The following PLEKHG1 variants were observed in gnomAD, a reference collection of about 807,000 sequenced individuals.
PLEKHG1 encodes pleckstrin homology and RhoGEF domain containing G1, also known as pleckstrin homology domain-containing family G member 1.
PLEKHG1 carries 44 observed loss-of-function variants against 100.8 expected under a neutral mutation model. The observed-to-expected ratio is 0.44, with a 90% CI of 0.34 to 0.56. The LOEUF (loss-of-function observed/expected upper bound fraction) is 0.56, where lower values mean the gene tolerates loss of function less well. PLEKHG1 is among the 20% of genes least tolerant of loss of function. PLEKHG1 has a pLI of 0.01. For synonymous variants in PLEKHG1, 640 were observed against 662.5 expected, an observed-to-expected ratio of 0.97 and a Z score of 0.52; for missense variants, 1,545 against 1,720.9, an observed-to-expected ratio of 0.90 and a Z score of 1.81.
intron 3 of PLEKHG1, among the ~76,000 whole-genome samples, chr6:150,778,279 C>A (rs1247994684): frequency 6.6e-6 from 1 of 152,186 alleles, no homozygotes; most frequent in Non-Finnish European, 1.5e-5. Context: ...AGGCGCTCAC[C>A]ATCACGCCTG....
At chr6:150,736,937 G>C (rs1417087844) in intron 2 of PLEKHG1, among the ~76,000 whole-genome samples, 3 of 152,138 alleles carry the variant, frequency 2.0e-5, no homozygotes, top group South Asian at 2.1e-4. Context: ...AGGCCCAGAA[G>C]GGGGTGAGTA....
At position 150,630,036 on chromosome 6, in the gene PLEKHG1, A is replaced by G. The variant is rs543424052; in HGVS notation, c.-203-8044A>G. ...GCAAGTGTGATGGAGGCCATAGACTATTTCACAGGGGATTACTGGTGATGC... is the reference window on the plus strand; with the variant it reads ...GCAAGTGTGATGGAGGCCATAGACTGTTTCACAGGGGATTACTGGTGATGC... On this transcript the variant is annotated intron_variant, in intron 1 of 3. Coordinates refer to the PLEKHG1 transcript ENST00000367326. 1.8e-4 allele frequency among the ~76,000 whole-genome samples: 27 copies of G among 152,302 alleles called. No individual in the cohort carries two copies. The East Asian group carries it at 3.7e-3, about 21-fold the overall frequency.
At chr6:150,777,551 A>G (rs1251708287) in intron 3 of PLEKHG1, among the ~76,000 whole-genome samples, 1 of 148,754 alleles carries the variant, frequency 6.7e-6, no homozygotes, top group East Asian at 2.0e-4. Context: ...CATTACTCAC[A>G]CTGATGCAAT....
chr6:150,613,062 A>T (rs1776918424), intron 1 of PLEKHG1, among the ~76,000 whole-genome samples: 1 of 151,068 alleles, frequency 6.6e-6, no homozygotes, highest in African/African-American at 2.4e-5. Flanking sequence ...GCTCTTTCTG[A>T]TCTCATCTCC....
intron 1 of PLEKHG1, among the ~76,000 whole-genome samples, chr6:150,604,993 ACTCT>A (rs1776530490): frequency 6.6e-6 from 1 of 151,940 alleles, no homozygotes; most frequent in Non-Finnish European, 1.5e-5. Context: ...GGTGGGCCGC[ACTCT>A]CTCTCACCAG....
chr6:150,828,020 T>C, intron 14 of PLEKHG1: 1 of 1,613,078 alleles, frequency 6.2e-7, no homozygotes, highest in Non-Finnish European at 8.5e-7. Context: ...TCTTGCACCT[T>C]TACAAACAAG....
At chr6:150,780,137 ATTTT>A (rs772671634) in intron 3 of PLEKHG1, among the ~76,000 whole-genome samples, 2 of 135,520 alleles carry the variant, frequency 1.5e-5, no homozygotes, top group Middle Eastern at 4.0e-3. Context: ...CTTTTCTTTA[ATTTT>A]TTTTTTTTTT....
chr6:150,721,734 C>T lies in PLEKHG1; in HGVS notation c.-99+534C>T, dbSNP rs144215197. ...TGCAGTTTCCATTTTGAGTGTTTCT[C>T]GGTAAGAAACACTTTTGTGAGGAAC... On this transcript the variant is annotated intron_variant, in intron 1 of 15. Transcript: ENST00000358517. Among the ~76,000 whole-genome samples the T allele has an allele frequency of 3.9e-3, 590 of 152,048 alleles. 3 individuals carry two copies. Among genetic ancestry groups the T allele is most frequent in the African/African-American group, 0.011 (442 of 41,474 alleles).
intron 3 of PLEKHG1, among the ~76,000 whole-genome samples, chr6:150,715,433 G>T (rs1029835197): frequency 6.6e-6 from 1 of 151,776 alleles, no homozygotes; most frequent in Non-Finnish European, 1.5e-5. Context: ...GTGCGGAAGT[G>T]TGACACCTTT....
At position 150,789,518 on chromosome 6, in the gene PLEKHG1, A is replaced by G. The variant is rs186163029; in HGVS notation, c.582+3059A>G. Among the ~76,000 whole-genome samples the G allele has an allele frequency of 3.9e-5, 6 of 152,376 alleles. No individual in the cohort carries two copies. In the East Asian group the frequency reaches 1.2e-3, roughly 29 times the overall value. On this transcript the variant is annotated intron_variant, in intron 4 of 15. Coordinates refer to ENST00000358517, the Ensembl canonical transcript of PLEKHG1. ...AATTTAAAATAGGAATAGAGCCATG[A>G]TATCACAAAATGCACAGAAATTCAA... is the stretch of plus-strand genomic sequence containing the variant.
In PLEKHG1 at chr6:150,645,935, A is replaced by G. The variant is rs367612283; in HGVS notation, c.-157-4793A>G. The stretch of plus-strand genomic sequence containing the variant: ...CATGAATACAGAAGAAATGTACAAC[A>G]TTGCTTTTAGTAGGAATAAAACCCA... On this transcript the variant is annotated intron_variant, in intron 2 of 3. Transcript: ENST00000367326. 2.6e-5 allele frequency among the ~76,000 whole-genome samples: 4 copies of G among 152,346 alleles called. No individual in the cohort carries two copies. The South Asian group carries it at 8.3e-4, about 32-fold the overall frequency.
At chr6:150,638,503 C>T (rs1162130402) in intron 2 of PLEKHG1, among the ~76,000 whole-genome samples, 4 of 152,150 alleles carry the variant, frequency 2.6e-5, no homozygotes, top group Middle Eastern at 3.2e-3. Flanking sequence ...CTCATTGCCC[C>T]TCCCTCTCTT....
At chr6:150,716,104 T>G (rs1426911902), upstream of PLEKHG1, among the ~76,000 whole-genome samples, 1 of 35,866 alleles carries the variant, frequency 2.8e-5, no homozygotes, top group African/African-American at 1.1e-4. Context: ...CGAGACTCCG[T>G]CTCAAAAAAA....
In PLEKHG1 at chr6:150,750,461, C is replaced by G. The variant is rs180922013; in HGVS notation, c.411+16369C>G. Among the ~76,000 whole-genome samples, 164 of 152,210 alleles carry G rather than the reference C, an allele frequency of 1.1e-3. 1 individual carries two copies. Among genetic ancestry groups the G allele is most frequent in the Non-Finnish European group, 1.5e-3 (100 of 68,020 alleles). On this transcript the variant is annotated intron_variant, in intron 2 of 15. Coordinates refer to ENST00000358517, the Ensembl canonical transcript of PLEKHG1. ...AGACGATCAGTGTTGAGATTTAGTA[C>G]CCTAACAGGAATGTTTTTTTAATAA...
chr6:150,770,549 G>A (rs7743264), intron 3 of PLEKHG1, among the ~76,000 whole-genome samples: 2,377 of 152,264 alleles, frequency 0.016, 67 homozygotes, highest in African/African-American at 0.054. Context: ...TGGTCGAGGT[G>A]GGGCCAGAAC....
intron 3 of PLEKHG1, among the ~76,000 whole-genome samples, chr6:150,653,515 A>G (rs1034009262): frequency 6.6e-5 from 10 of 152,120 alleles, no homozygotes; most frequent in African/African-American, 1.7e-4. Flanking sequence ...GACCAAAGCC[A>G]GTGGATCGCT....
At chr6:150,777,491 G>T (rs1785049673) in intron 3 of PLEKHG1, among the ~76,000 whole-genome samples, 1 of 147,010 alleles carries the variant, frequency 6.8e-6, no homozygotes, top group Non-Finnish European at 1.5e-5. Flanking sequence ...CACATGTGCA[G>T]TTGCACATTA....
chr6:150,743,038 TC>T (rs1448005050), intron 2 of PLEKHG1, among the ~76,000 whole-genome samples: 1 of 152,168 alleles, frequency 6.6e-6, no homozygotes, highest in Non-Finnish European at 1.5e-5. Context: ...CCAATGAGAA[TC>T]TTGTTACCTG....
chr6:150,825,826 A>G (rs1184678065), intron 14 of PLEKHG1, among the ~76,000 whole-genome samples: 2 of 152,192 alleles, frequency 1.3e-5, no homozygotes, highest in Admixed American at 1.3e-4. Context: ...TAAATGCAAC[A>G]TGTTCTTAAA....
Sources: gnomAD v4.1 joint callset for allele counts (sites outside exome capture counted in the v4.1 genomes callset) on GRCh38, gnomAD v4.1.1 for gene constraint, MANE v1.5 for transcripts, NCBI Gene and HGNC (gene_info 2026-07-23, HGNC 2026-07-21) for gene names.